Variants in SH3BP4 observed in about 807,000 individuals in gnomAD.
SH3BP4 encodes the protein SH3 domain-binding protein 4.
Under a neutral mutation model 65.5 loss-of-function variants are expected in SH3BP4, and 33 were observed. That is an observed-to-expected ratio of 0.50 (90% CI 0.38 to 0.67). The LOEUF (loss-of-function observed/expected upper bound fraction) is 0.67. Ranked by LOEUF, SH3BP4 falls within the 30% of genes least tolerant of loss-of-function variation. SH3BP4 has a pLI of 0.00. For synonymous variants in SH3BP4, 552 were observed against 545.5 expected, an observed-to-expected ratio of 1.01 and a Z score of -0.17; for missense variants, 1,134 against 1,261.4, an observed-to-expected ratio of 0.90 and a Z score of 1.53.
intron 2 of SH3BP4, among the ~76,000 whole-genome samples, chr2:234,996,311 GT>G (rs2106276489): frequency 6.6e-6 from 1 of 152,252 alleles, no homozygotes; most frequent in African/African-American, 2.4e-5. Flanking sequence ...ACTGTTTCAG[GT>G]TTTTCTTTAA....
At position 235,005,655 on chromosome 2, in the gene SH3BP4, C is replaced by G. The variant is rs148354793; in HGVS notation, c.-133+10279C>G. Among the ~76,000 whole-genome samples the G allele has an allele frequency of 2.5e-3, 375 of 152,322 alleles. 3 individuals carry two copies. Among genetic ancestry groups the G allele is most frequent in the African/African-American group, 8.3e-3 (344 of 41,578 alleles). On this transcript the variant is annotated intron_variant, in intron 2 of 5. Coordinates refer to ENST00000392011, the MANE Select transcript of SH3BP4 (RefSeq NM_014521.3). Reference sequence around the variant, plus strand: ...GTTGTTGATCTTGGCTTCCTCGTGTCCAGGCTACAGGCTGACCTCTCTTGT... The same window carrying G: ...GTTGTTGATCTTGGCTTCCTCGTGTGCAGGCTACAGGCTGACCTCTCTTGT...
At chr2:235,047,656 T>G (rs1423309272) in intron 4 of SH3BP4, among the ~76,000 whole-genome samples, 1 of 152,188 alleles carries the variant, frequency 6.6e-6, no homozygotes, top group Non-Finnish European at 1.5e-5. Flanking sequence ...GCAGTGGCCA[T>G]CAGCCATGGG....
At chr2:234,980,848 T>C (rs1693355237) in intron 1 of SH3BP4, among the ~76,000 whole-genome samples, 1 of 152,196 alleles carries the variant, frequency 6.6e-6, no homozygotes, top group Middle Eastern at 3.2e-3. Context: ...AAATCCTTTT[T>C]GTGGTTTTTG....
intron 1 of SH3BP4, chr2:234,994,687 A>G (rs1008873999): frequency 6.6e-6 from 1 of 152,208 alleles, no homozygotes; most frequent in Non-Finnish European, 1.5e-5. Flanking sequence ...TGCGCTCACA[A>G]TGCCAGTCAT....
chr2:234,989,494 C>A (rs1176724683), intron 1 of SH3BP4, among the ~76,000 whole-genome samples: 4 of 152,342 alleles, frequency 2.6e-5, no homozygotes, highest in Non-Finnish European at 5.9e-5. Flanking sequence ...TGGCCTGAGC[C>A]TACATCCCGC....
intron 2 of SH3BP4, among the ~76,000 whole-genome samples, chr2:235,022,946 C>T (rs1364552640): frequency 1.3e-5 from 2 of 152,184 alleles, no homozygotes; most frequent in African/African-American, 4.8e-5. Context: ...ACTCCTTGAC[C>T]TTGTCCCTCC....
At chr2:235,010,047 G>A (rs763676083) in intron 2 of SH3BP4, among the ~76,000 whole-genome samples, 2 of 151,882 alleles carry the variant, frequency 1.3e-5, no homozygotes, top group Non-Finnish European at 2.9e-5. Flanking sequence ...CCTCCTGCTT[G>A]TCTACCCTTC....
chr2:235,005,362 G>A (rs552574484), intron 2 of SH3BP4, among the ~76,000 whole-genome samples: 50 of 151,978 alleles, frequency 3.3e-4, no homozygotes, highest in Non-Finnish European at 6.5e-4. Flanking sequence ...CTCGCCTGGG[G>A]CTCACTCCGG....
chr2:235,017,041 CTTTCTTT>C (rs2106304148), intron 2 of SH3BP4, among the ~76,000 whole-genome samples: 1 of 111,958 alleles, frequency 8.9e-6, no homozygotes, highest in South Asian at 2.8e-4. Context: ...TTCTGTTTGC[CTTTCTTT>C]TTTTTTTTTT....
chr2:235,028,160 C>T (rs1695064326), intron 2 of SH3BP4, among the ~76,000 whole-genome samples: 1 of 152,228 alleles, frequency 6.6e-6, no homozygotes, highest in African/African-American at 2.4e-5. Flanking sequence ...CAGTTATGAG[C>T]TCAAATGCGC....
intron 1 of SH3BP4, chr2:234,979,978 G>A (rs1007148716): frequency 9.2e-5 from 14 of 152,264 alleles, no homozygotes; most frequent in Admixed American, 5.9e-4. Flanking sequence ...CTAACCTACA[G>A]AAACTGTGTG....
At chr2:234,964,910 G>T (rs961472350) in intron 1 of SH3BP4, among the ~76,000 whole-genome samples, 1 of 152,118 alleles carries the variant, frequency 6.6e-6, no homozygotes, top group African/African-American at 2.4e-5. Context: ...GCCTGGCAGG[G>T]AGGCTACCCT....
At chr2:234,983,575 C>G (rs1015022506) in intron 1 of SH3BP4, among the ~76,000 whole-genome samples, 7 of 152,212 alleles carry the variant, frequency 4.6e-5, no homozygotes, top group Non-Finnish European at 8.8e-5. Flanking sequence ...TGCTCAGAAC[C>G]TGTAGGTGTT....
At chr2:235,025,370 C>G (rs1157252334) in intron 2 of SH3BP4, among the ~76,000 whole-genome samples, 1 of 152,124 alleles carries the variant, frequency 6.6e-6, no homozygotes, top group Admixed American at 6.5e-5. Flanking sequence ...GGCCCCCACC[C>G]CTCTCCTGTG....
intron 2 of SH3BP4, among the ~76,000 whole-genome samples, chr2:235,029,632 T>G (rs1453760120): frequency 1.3e-5 from 2 of 152,246 alleles, no homozygotes; most frequent in Admixed American, 1.3e-4. Context: ...TTAAAAATGT[T>G]TTATTGTGCA....
At chr2:234,981,908 G>A (rs1348865018) in intron 1 of SH3BP4, among the ~76,000 whole-genome samples, 2 of 152,120 alleles carry the variant, frequency 1.3e-5, no homozygotes, top group African/African-American at 4.8e-5. Context: ...ATCGTGGAGC[G>A]CATCTCTTTG....
chr2:235,005,307 C>T (rs570012665), intron 2 of SH3BP4, among the ~76,000 whole-genome samples: 8 of 152,178 alleles, frequency 5.3e-5, no homozygotes, highest in Non-Finnish European at 1.2e-4. Flanking sequence ...AGGGGGCTCC[C>T]CTGACTTCTG....
At chr2:235,051,722 C>T (rs551284568) in intron 4 of SH3BP4, among the ~76,000 whole-genome samples, 9 of 152,260 alleles carry the variant, frequency 5.9e-5, no homozygotes, top group African/African-American at 1.9e-4. Context: ...CTGTCTTCTT[C>T]TCCCTGGGTG....
chr2:235,000,447 G>A (rs1418512369), intron 2 of SH3BP4, among the ~76,000 whole-genome samples: 1 of 152,168 alleles, frequency 6.6e-6, no homozygotes, highest in Non-Finnish European at 1.5e-5. Context: ...GGTTCCAGGG[G>A]ATATGAAGGT....
Sources: gnomAD v4.1 joint callset for allele counts (sites outside exome capture counted in the v4.1 genomes callset) on GRCh38, gnomAD v4.1.1 for gene constraint, MANE v1.5 for transcripts, NCBI Gene and HGNC (gene_info 2026-07-23, HGNC 2026-07-21) for gene names.